RBFOX1: variants seen among roughly 807,000 people sequenced by gnomAD.
The protein encoded by RBFOX1 is RNA binding protein fox-1 homolog 1.
A neutral mutation model predicts 57.7 loss-of-function variants in RBFOX1; 8 were observed. The observed-to-expected ratio is 0.14, with a 90% confidence interval of 0.08 to 0.25. The LOEUF (loss-of-function observed/expected upper bound fraction) is 0.25, where lower values mean the gene tolerates loss of function less well. RBFOX1 is among the 10% of genes least tolerant of loss of function. RBFOX1 has a pLI of 1.00. For synonymous variants in RBFOX1, 326 were observed against 222.4 expected (o/e 1.47, Z -4.15); for missense variants, 611 against 548.5 (o/e 1.11, Z -1.14).
intron 1 of RBFOX1, among the ~76,000 whole-genome samples, chr16:6,065,894 C>T (rs1476019527): frequency 6.6e-6 from 1 of 152,174 alleles, no homozygotes; most frequent in East Asian, 1.9e-4. Context: ...GGGTTGTCCT[C>T]ATATGAAGTG....
intron 4 of RBFOX1, among the ~76,000 whole-genome samples, chr16:7,471,606 G>T (rs4787024): frequency 2.0e-5 from 3 of 152,000 alleles, no homozygotes; most frequent in East Asian, 1.9e-4. Context: ...ATTCTGAGAC[G>T]GGGGTGGAGA....
chr16:7,642,232 C>G (rs2062948302), intron 11 of RBFOX1, among the ~76,000 whole-genome samples: 1 of 152,178 alleles, frequency 6.6e-6, no homozygotes, highest in Non-Finnish European at 1.5e-5. Context: ...GAGGCTCTGG[C>G]TCAGATATCA....
intron 2 of RBFOX1, among the ~76,000 whole-genome samples, chr16:5,569,573 A>T (rs1346749558): frequency 6.7e-6 from 1 of 149,460 alleles, no homozygotes; most frequent in Non-Finnish European, 1.5e-5. Flanking sequence ...GATACATACC[A>T]TCCCCATTTC....
chr16:5,364,054 C>T (rs2065634666), intron 1 of RBFOX1, among the ~76,000 whole-genome samples: 1 of 152,156 alleles, frequency 6.6e-6, no homozygotes, highest in South Asian at 2.1e-4. Flanking sequence ...CTCAGCGATT[C>T]CCCGACGCTG....
At position 6,700,953 on chromosome 16, in the gene RBFOX1, A is replaced by G. The variant is rs2061729760; in HGVS notation, c.-16+46303A>G. 2.6e-5 allele frequency among the ~76,000 whole-genome samples: 4 copies of G among 152,132 alleles called. No homozygotes were observed. In the South Asian group the frequency reaches 8.3e-4, roughly 32 times the overall value. ...ATTGTTCGAGGTTGGGTTCACAGAT[A>G]ATCAGAAGGCATTGGGGGTACCAGA... is the stretch of plus-strand genomic sequence containing the variant. On this transcript the variant is annotated intron_variant, in intron 3 of 15. Coordinates refer to ENST00000550418, the MANE Select transcript of RBFOX1 (RefSeq NM_018723.4).
At chr16:5,966,030 G>C (rs562317490) in intron 4 of RBFOX1, among the ~76,000 whole-genome samples, 227 of 152,154 alleles carry the variant, frequency 1.5e-3, no homozygotes, top group Non-Finnish European at 2.9e-3. Context: ...CATGCAGCAG[G>C]TTTTCCTTAT....
chr16:7,048,036 G>A (rs1353161930), intron 3 of RBFOX1, among the ~76,000 whole-genome samples: 4 of 151,488 alleles, frequency 2.6e-5, no homozygotes, highest in East Asian at 1.9e-4. Context: ...CTGCCACAAC[G>A]CCTGGCTAAT....
intron 4 of RBFOX1, among the ~76,000 whole-genome samples, chr16:7,394,475 G>A (rs1048974696): frequency 6.6e-6 from 1 of 151,986 alleles, no homozygotes; most frequent in African/African-American, 2.4e-5. Flanking sequence ...ACCTCGAAAG[G>A]GTTGACACAA....
chr16:5,883,903 G>A (rs2057830349), intron 4 of RBFOX1, among the ~76,000 whole-genome samples: 1 of 152,014 alleles, frequency 6.6e-6, no homozygotes, highest in African/African-American at 2.4e-5. Flanking sequence ...CTCCCTTTAG[G>A]GACAACACAT....
At chr16:5,733,649 A>G (rs2052464755) in intron 3 of RBFOX1, among the ~76,000 whole-genome samples, 1 of 151,994 alleles carries the variant, frequency 6.6e-6, no homozygotes, top group Admixed American at 6.6e-5. Flanking sequence ...ACTTGCAGAG[A>G]GCTTTCCCAA....
At chr16:6,285,536 A>G (rs2076815505) in intron 1 of RBFOX1, among the ~76,000 whole-genome samples, 1 of 152,150 alleles carries the variant, frequency 6.6e-6, no homozygotes, top group Non-Finnish European at 1.5e-5. Context: ...GATTCCATGC[A>G]CAAGGAGAGA....
intron 4 of RBFOX1, among the ~76,000 whole-genome samples, chr16:7,070,712 G>A (rs2057154695): frequency 6.6e-6 from 1 of 152,178 alleles, no homozygotes; most frequent in Admixed American, 6.5e-5. Flanking sequence ...ACTTTTCTAA[G>A]TAGGCAAGAG....
chr16:5,806,861 C>T (rs961225118), intron 3 of RBFOX1, among the ~76,000 whole-genome samples: 3 of 152,198 alleles, frequency 2.0e-5, no homozygotes, highest in Admixed American at 1.3e-4. Flanking sequence ...TATTCCTTGG[C>T]CCACTGATGT....
rs115569606 is a variant in RBFOX1, at chr16:5,826,350, C to T, written c.319-40953C>T. Among the ~76,000 whole-genome samples the T allele has an allele frequency of 1.3e-3, 203 of 152,198 alleles. 2 individuals carry two copies. Among genetic ancestry groups the T allele is most frequent in the African/African-American group, 4.5e-3 (188 of 41,536 alleles). Reference sequence around the variant, plus strand: ...TTAGCAGTACCTGTGACTTTGTCCCCAGTAGATGTCCAGCTGTTTTCATTC... The same window carrying T: ...TTAGCAGTACCTGTGACTTTGTCCCTAGTAGATGTCCAGCTGTTTTCATTC... On this transcript the variant is annotated intron_variant, in intron 3 of 19. Transcript: ENST00000641259.
chr16:6,867,904 C>G (rs1428258348), intron 3 of RBFOX1, among the ~76,000 whole-genome samples: 1 of 152,130 alleles, frequency 6.6e-6, no homozygotes, highest in Non-Finnish European at 1.5e-5. Flanking sequence ...TACTCTTAAA[C>G]AAGAGAGTAA....
intron 3 of RBFOX1, among the ~76,000 whole-genome samples, chr16:6,997,192 C>G (rs2092332448): frequency 6.6e-6 from 1 of 151,968 alleles, no homozygotes; most frequent in South Asian, 2.1e-4. Context: ...GCATTTTCCC[C>G]CAATAACTTT....
chr16:7,373,838 C>T lies in RBFOX1; in HGVS notation c.28-144309C>T, dbSNP rs577488807. ...TTTTTCAAGAAGATGGACACATTCA[C>T]GTTTTAAAGATGCTCAGCTTCTCGT... On this transcript the variant is annotated intron_variant, in intron 4 of 15. Coordinates refer to ENST00000550418, the MANE Select transcript of RBFOX1 (RefSeq NM_018723.4). 1.0e-3 allele frequency among the ~76,000 whole-genome samples: 159 copies of T among 152,300 alleles called. 1 individual carries two copies. Among genetic ancestry groups the T allele is most frequent in the Non-Finnish European group, 1.5e-3 (105 of 68,024 alleles).
intron 14 of RBFOX1, among the ~76,000 whole-genome samples, chr16:7,698,558 C>G (rs1173707247): frequency 1.3e-5 from 2 of 152,132 alleles, no homozygotes; most frequent in Non-Finnish European, 2.9e-5. Context: ...TACATTAAAA[C>G]TTTAGGTAAT....
intron 1 of RBFOX1, among the ~76,000 whole-genome samples, chr16:6,229,146 T>C (rs1403835562): frequency 6.6e-6 from 1 of 152,158 alleles, no homozygotes; most frequent in East Asian, 1.9e-4. Flanking sequence ...AAATGACATC[T>C]CCTTACCTTT....
Sources: allele counts gnomAD v4.1 joint callset (sites outside exome capture counted in the v4.1 genomes callset), GRCh38; gene constraint gnomAD v4.1.1; transcripts MANE v1.5; gene names NCBI Gene and HGNC (gene_info 2026-07-23, HGNC 2026-07-21).